The following KCTD8 variants were observed in gnomAD, a reference collection of about 807,000 sequenced individuals.
KCTD8 encodes the protein potassium channel tetramerization domain containing 8.
A neutral mutation model predicts 31.5 loss-of-function variants in KCTD8; 27 were observed. The ratio of observed to expected loss-of-function variants is 0.86; its 90% CI spans 0.63 to 1.18. KCTD8 has a LOEUF of 1.18. Among genes scored for constraint, KCTD8 ranks in the 50% most tolerant of loss-of-function variants. The probability of loss-of-function intolerance (pLI) is 0.00; values close to 1 mark genes in which losing one functional copy is unlikely to be tolerated. For missense variants in KCTD8, 658 were observed against 647.7 expected, an observed-to-expected ratio of 1.02 and a Z score of -0.17; for synonymous variants, 290 against 280.0, an observed-to-expected ratio of 1.04 and a Z score of -0.36.
At chr4:44,331,901 G>A (rs1048857922) in intron 1 of KCTD8, among the ~76,000 whole-genome samples, 1 of 150,916 alleles carries the variant, frequency 6.6e-6, no homozygotes, top group African/African-American at 2.4e-5. Context: ...AAGCAAGAGA[G>A]GGCATGAAAC....
chr4:44,298,352 G>T (rs1717502909), intron 1 of KCTD8, among the ~76,000 whole-genome samples: 1 of 151,872 alleles, frequency 6.6e-6, no homozygotes. Flanking sequence ...TTTCTACAGG[G>T]AAGTGGCAAA....
chr4:44,290,935 TAGA>T (rs907612535), intron 1 of KCTD8, among the ~76,000 whole-genome samples: 2 of 151,976 alleles, frequency 1.3e-5, no homozygotes, highest in African/African-American at 2.4e-5. Context: ...ACCACAAAGT[TAGA>T]AGAAGAACAG....
At chr4:44,183,512 T>C (rs1280666712) in intron 1 of KCTD8, among the ~76,000 whole-genome samples, 3 of 152,160 alleles carry the variant, frequency 2.0e-5, no homozygotes, top group African/African-American at 7.2e-5. Flanking sequence ...AACAGGGCTT[T>C]TGATCAATTC....
chr4:44,176,016 G>A (rs1447938727), intron 1 of KCTD8, among the ~76,000 whole-genome samples: 2 of 152,144 alleles, frequency 1.3e-5, no homozygotes, highest in African/African-American at 4.8e-5. Context: ...TTCACAGTGT[G>A]TTTCCAAAAA....
intron 1 of KCTD8, among the ~76,000 whole-genome samples, chr4:44,308,108 T>G (rs1433901867): frequency 6.6e-6 from 1 of 152,030 alleles, no homozygotes; most frequent in Non-Finnish European, 1.5e-5. Flanking sequence ...ATACAGTTAT[T>G]CCTTTATATA....
At chr4:44,296,661 C>T (rs192599396) in intron 1 of KCTD8, among the ~76,000 whole-genome samples, 1 of 152,200 alleles carries the variant, frequency 6.6e-6, no homozygotes, top group African/African-American at 2.4e-5. Context: ...CCTCTACTAA[C>T]ACAGTGATGA....
At chr4:44,217,298 A>G (rs1354970357) in intron 1 of KCTD8, among the ~76,000 whole-genome samples, 1 of 152,218 alleles carries the variant, frequency 6.6e-6, no homozygotes, top group African/African-American at 2.4e-5. Flanking sequence ...TCTTGTATTA[A>G]CAGGCCATAG....
At chr4:44,260,317 C>G (rs924002241) in intron 1 of KCTD8, among the ~76,000 whole-genome samples, 8 of 151,742 alleles carry the variant, frequency 5.3e-5, no homozygotes, top group Non-Finnish European at 7.4e-5. Flanking sequence ...GAACTGATCA[C>G]CTACTATGTT....
At chr4:44,302,651 A>C (rs951886782) in intron 1 of KCTD8, among the ~76,000 whole-genome samples, 1 of 152,000 alleles carries the variant, frequency 6.6e-6, no homozygotes, top group Non-Finnish European at 1.5e-5. Flanking sequence ...ATATACAATC[A>C]TGTCGTCTGC....
chr4:44,398,190 T>A (rs1331824585), intron 1 of KCTD8, among the ~76,000 whole-genome samples: 1 of 152,190 alleles, frequency 6.6e-6, no homozygotes, highest in Non-Finnish European at 1.5e-5. Flanking sequence ...AGTTTAAAGC[T>A]TTTTATCTGT....
At chr4:44,218,029 G>C (rs58245925) in intron 1 of KCTD8, among the ~76,000 whole-genome samples, 1,830 of 150,738 alleles carry the variant, frequency 0.012, 43 homozygotes, top group African/African-American at 0.042. Context: ...TATTAGTTCT[G>C]TCCCTCTGCA....
At chr4:44,225,993 T>A (rs559607279) in intron 1 of KCTD8, among the ~76,000 whole-genome samples, 4 of 151,936 alleles carry the variant, frequency 2.6e-5, no homozygotes, top group East Asian at 1.9e-4. Context: ...GCTAATTTTT[T>A]GTTTTTTTGT....
At chr4:44,301,422 G>A (rs967461127) in intron 1 of KCTD8, among the ~76,000 whole-genome samples, 9 of 152,182 alleles carry the variant, frequency 5.9e-5, no homozygotes, top group Non-Finnish European at 1.3e-4. Flanking sequence ...ACTGGCGTGA[G>A]ATGTTATCTC....
intron 1 of KCTD8, among the ~76,000 whole-genome samples, chr4:44,229,288 C>A (rs1207061577): frequency 1.3e-5 from 2 of 152,120 alleles, no homozygotes; most frequent in Non-Finnish European, 2.9e-5. Context: ...GCAGCAGGTG[C>A]CAGGGAGAGG....
intron 1 of KCTD8, among the ~76,000 whole-genome samples, chr4:44,227,351 G>C (rs1342929369): frequency 6.6e-6 from 1 of 152,180 alleles, no homozygotes; most frequent in Non-Finnish European, 1.5e-5. Context: ...GATGGTTGTA[G>C]CTGTGTGGTA....
At chr4:44,213,171 C>T (rs549314716) in intron 1 of KCTD8, among the ~76,000 whole-genome samples, 14 of 152,250 alleles carry the variant, frequency 9.2e-5, no homozygotes, top group African/African-American at 3.1e-4. Flanking sequence ...CTCCTGACCT[C>T]GTGATCCGCC....
chr4:44,223,425 C>A (rs1714863771), intron 1 of KCTD8, among the ~76,000 whole-genome samples: 1 of 152,176 alleles, frequency 6.6e-6, no homozygotes, highest in Non-Finnish European at 1.5e-5. Context: ...TTTCTAATAA[C>A]AGCATGACTA....
At position 44,175,059 on chromosome 4, in the gene KCTD8, T is replaced by C. The variant is rs1468464977; in HGVS notation, c.1153A>G (p.Asn385Asp). Residue 385 changes from asparagine (N) to aspartate (D), a missense_variant, in exon 2 of 2, where the codon AAC becomes GAC. By Grantham distance (23) the Asn-to-Asp change is conservative (BLOSUM62 1). Transcript: ENST00000360029. ...GAGGGGCGATCCAATGTTAAAGTGTTAGGTTGGTGAGCTGTTGCCTGCTGG... is the reference window on the plus strand; with the variant it reads ...GAGGGGCGATCCAATGTTAAAGTGTCAGGTTGGTGAGCTGTTGCCTGCTGG... ...SAQQATAHQPNTLTLDRPSKK... is the reference protein window; with the variant it reads ...SAQQATAHQPDTLTLDRPSKK... The C allele has an allele frequency of 1.2e-6, 2 of 1,613,858 alleles. No homozygotes were observed. The highest frequency in any genetic ancestry group is 1.7e-5 in the Admixed American group (1 of 59,984).
chr4:44,387,430 A>G (rs1180501538), intron 1 of KCTD8, among the ~76,000 whole-genome samples: 2 of 152,060 alleles, frequency 1.3e-5, no homozygotes, highest in Admixed American at 6.6e-5. Context: ...CTAAGCAAAA[A>G]GAACAAAGCT....
Sources: gnomAD v4.1 joint callset for allele counts (sites outside exome capture counted in the v4.1 genomes callset) on GRCh38, gnomAD v4.1.1 for gene constraint, MANE v1.5 for transcripts, NCBI Gene and HGNC (gene_info 2026-07-23, HGNC 2026-07-21) for gene names.